VPS4A: variants seen among roughly 807,000 people sequenced by gnomAD.
VPS4A encodes the protein vacuolar protein sorting 4 homolog A.
A neutral mutation model predicts 52.3 loss-of-function variants in VPS4A; 20 were observed. The observed-to-expected ratio is 0.38, with a 90% confidence interval of 0.27 to 0.56. VPS4A has a LOEUF of 0.56. VPS4A is among the 20% of genes least tolerant of loss of function. The probability of loss-of-function intolerance (pLI) is 0.72; values close to 1 mark genes in which losing one functional copy is unlikely to be tolerated. For synonymous variants in VPS4A, 293 were observed against 227.7 expected (o/e 1.29, Z -2.58); for missense variants, 419 against 575.9 (o/e 0.73, Z 2.79).
In VPS4A at chr16:69,320,457, G is replaced by A; in HGVS notation, c.769+168G>A. 2 of 1,026,964 alleles carry A rather than the reference G, an allele frequency of 1.9e-6. No homozygotes were observed. The highest frequency in any genetic ancestry group is 2.8e-6 in the Non-Finnish European group (2 of 716,936). 63.6% of individuals were successfully genotyped at this position (1,026,964 alleles called of 1,614,324 possible). A position where few individuals can be genotyped will look rare whatever the true frequency, so the allele number is the denominator to read the frequency against. ...CTTCAATTCCCAAGAGGTGCCTGAG[G>A]CCTCTGCCTCACGGGCCACTCCACC... On this transcript the variant is annotated intron_variant, in intron 7 of 10. Coordinates refer to ENST00000254950, the MANE Select transcript of VPS4A (RefSeq NM_013245.3). This position sits in a 1 kb window ranked among gnomAD's most constrained non-coding sequence, Gnocchi z 4.2.
At chr16:69,319,713 G>C (rs1038662504) in intron 6 of VPS4A, among the ~76,000 whole-genome samples, 170 bp downstream of exon 6, 1 of 152,224 alleles carries the variant, frequency 6.6e-6, no homozygotes, top group Non-Finnish European at 1.5e-5. Flanking sequence ...ACAAAGACAA[G>C]TGAAGGTGGA....
At position 69,325,541 on chromosome 16, in the gene VPS4A, C is replaced by T. The variant is rs2143278265; in HGVS notation, c.*1232C>T. 1 of 152,246 alleles carries T rather than the reference C, an allele frequency of 6.6e-6. No homozygotes were observed. Among genetic ancestry groups the T allele is most frequent in the East Asian group, 1.9e-4 (1 of 5,180 alleles). 9.4% of individuals were successfully genotyped at this position (152,246 alleles called of 1,614,324 possible). ...ACAAGGTCAGGAAATCGAGAACATC[C>T]TGGCTAACACAGTGAAACCCCGTCT... On this transcript the variant is annotated 3_prime_UTR_variant, in exon 11 of 11. Coordinates refer to ENST00000254950, the MANE Select transcript of VPS4A (RefSeq NM_013245.3).
chr16:69,315,250 A>T (rs1965422012), intron 1 of VPS4A, among the ~76,000 whole-genome samples: 1 of 152,208 alleles, frequency 6.6e-6, no homozygotes. Context: ...GTTCAGCCTA[A>T]GGCACTGGCC....
chr16:69,318,814 C>G lies in VPS4A; in HGVS notation c.344-9C>G, dbSNP rs754898349. 6.2e-7 allele frequency: 1 copy of G among 1,612,678 alleles called. No homozygotes were observed. The highest frequency in any genetic ancestry group is 1.3e-5 in the African/African-American group (1 of 74,852). Reference sequence around the variant, plus strand: ...CGGGCCCGGGCCCGGGCCGGCCTCCCTCTCGCAGGTGCCGTCGTGATGGAG... The same window carrying G: ...CGGGCCCGGGCCCGGGCCGGCCTCCGTCTCGCAGGTGCCGTCGTGATGGAG... On this transcript the variant is annotated splice_polypyrimidine_tract_variant and intron_variant, in intron 4 of 10. Transcript: ENST00000254950.
rs1294795770 is a variant in VPS4A, at chr16:69,324,424, T to TCC, written c.*117_*118dup. ...GGGCTTGTCCCAGTCAATACAGAGT[T>TCC]CCCTCTGCTGTCTGGCCGTCTGCCA... On this transcript the variant is annotated 3_prime_UTR_variant, in exon 11 of 11. Transcript: ENST00000254950. 2 of 1,147,534 alleles carry TCC rather than the reference T, an allele frequency of 1.7e-6. No individual in the cohort carries two copies. Among genetic ancestry groups the TCC allele is most frequent in the African/African-American group, 3.1e-5 (2 of 65,154 alleles). The allele number at this position is 1,147,534 out of a possible 1,614,324, so 71.1% of individuals were successfully genotyped here.
chr16:69,316,485 G>A lies in VPS4A; in HGVS notation c.281+113G>A, dbSNP rs566374543. ...TGTGGGAATGGTCCTCATAGTGCAGGGATGACAGTGCCAGCAGCTGCTTTC... is the reference window on the plus strand; with the variant it reads ...TGTGGGAATGGTCCTCATAGTGCAGAGATGACAGTGCCAGCAGCTGCTTTC... On this transcript the variant is annotated intron_variant, in intron 3 of 10. Transcript: ENST00000254950. 2.9e-6 allele frequency: 4 copies of A among 1,402,688 alleles called. No homozygotes were observed. The South Asian group carries it at 5.4e-5, about 19-fold the overall frequency. 86.9% of individuals were successfully genotyped at this position (1,402,688 alleles called of 1,614,324 possible). A position where few individuals can be genotyped will look rare whatever the true frequency, so the allele number is the denominator to read the frequency against.
In VPS4A at chr16:69,318,048, C is replaced by T. The variant is rs190287065; in HGVS notation, c.282-602C>T. Among the ~76,000 whole-genome samples the T allele has an allele frequency of 3.3e-3, 492 of 150,966 alleles. 1 individual carries two copies. Among genetic ancestry groups the T allele is most frequent in the African/African-American group, 0.011 (445 of 41,096 alleles). On this transcript the variant is annotated intron_variant, in intron 3 of 10. Transcript: ENST00000254950. Reference sequence around the variant, plus strand: ...TCCCCCAGACAGGGCTTCACTGTCTCCCAGGCTGGAGTGCAGTGGTGCGAT... The same window carrying T: ...TCCCCCAGACAGGGCTTCACTGTCTTCCAGGCTGGAGTGCAGTGGTGCGAT...
intron 10 of VPS4A, chr16:69,323,778 C>T (rs9923260): frequency 0.15 from 58,376 of 398,264 alleles, 4,943 homozygotes; most frequent in Middle Eastern, 0.25. Context: ...AGTGAAACCC[C>T]GTCTCTGCTA....
At chr16:69,312,400 C>T (rs1965388190) in intron 1 of VPS4A, among the ~76,000 whole-genome samples, 2 of 152,082 alleles carry the variant, frequency 1.3e-5, no homozygotes, top group Admixed American at 6.6e-5. Context: ...GTTCCAGTAG[C>T]ATTCAGAGAC....
At position 69,321,366 on chromosome 16, in the gene VPS4A, T is replaced by G; in HGVS notation, c.1071+96T>G. ...GCTCCTGGTCCTGCTCCCCGGCTGC[T>G]CAGGTGACACAGTCTCTGAGGCCTC... On this transcript the variant is annotated intron_variant, in intron 9 of 10. Transcript: ENST00000254950. This position sits in a 1 kb window ranked among gnomAD's most constrained non-coding sequence, Gnocchi z 4.5. 1.5e-6 allele frequency: 2 copies of G among 1,375,232 alleles called. No homozygotes were observed. The highest frequency in any genetic ancestry group is 1.3e-5 in the South Asian group (1 of 74,516). The allele number at this position is 1,375,232 out of a possible 1,614,324, so 85.2% of individuals were successfully genotyped here. A position where few individuals can be genotyped will look rare whatever the true frequency, so the allele number is the denominator to read the frequency against.
At chr16:69,323,998 A>G (rs1759626126) in intron 10 of VPS4A, among the ~76,000 whole-genome samples, 1 of 150,572 alleles carries the variant, frequency 6.6e-6, no homozygotes, top group South Asian at 2.1e-4. Flanking sequence ...TTATGAGATG[A>G]TGGAGCTTAG....
chr16:69,319,254 C>T, intron 5 of VPS4A, 133 bp from the exon 6 acceptor site: 1 of 1,313,500 alleles, frequency 7.6e-7, no homozygotes, highest in Non-Finnish European at 1.0e-6. Context: ...TAGCTCCCAT[C>T]ACTTGTTTGC....
chr16:69,320,314 T>G lies in VPS4A; in HGVS notation c.769+25T>G, dbSNP rs1186182425. 6.2e-7 allele frequency: 1 copy of G among 1,604,986 alleles called. No homozygotes were observed. Among genetic ancestry groups the G allele is most frequent in the Non-Finnish European group, 8.5e-7 (1 of 1,172,736 alleles). ...GGTGTGTGCCGGGCCCAGGGCCCCC[T>G]TGGTTCTTGTTGCACCTGAAGCCAA... On this transcript the variant is annotated intron_variant, in intron 7 of 10. Coordinates refer to ENST00000254950, the MANE Select transcript of VPS4A (RefSeq NM_013245.3). The surrounding 1 kb of genome is among the most constrained non-coding windows in gnomAD (Gnocchi z 4.2).
In VPS4A at chr16:69,324,226, C is replaced by G; in HGVS notation, c.1231C>G (p.Leu411Val). The G allele has an allele frequency of 1.9e-6, 3 of 1,613,700 alleles. No homozygotes were observed. The highest frequency in any genetic ancestry group is 2.5e-6 in the Non-Finnish European group (3 of 1,179,814). ...VVCMSDMLRSLATTRPTVNAD... is the reference protein window; with the variant it reads ...VVCMSDMLRSVATTRPTVNAD... Reference sequence around the variant, plus strand: ...TTCACAGTCGGACATGCTGCGGTCTCTGGCCACCACCCGGCCCACGGTGAA... The same window carrying G: ...TTCACAGTCGGACATGCTGCGGTCTGTGGCCACCACCCGGCCCACGGTGAA... Residue 411 changes from leucine to valine, a missense_variant, in exon 11 of 11, where the codon CTG becomes GTG. Physicochemically the swap from Leu to Val is conservative, Grantham distance 32. This residue lies in a region of VPS4A where 185 missense variants were observed against 200.2 expected (regional missense o/e 0.92). Transcript: ENST00000254950.
At position 69,320,219 on chromosome 16, in the gene VPS4A, C is replaced by G. The variant is rs374250970; in HGVS notation, c.699C>G (p.Cys233Trp). Residue 233 changes from cysteine (C) to tryptophan (W), a missense_variant, in exon 7 of 11, where the codon TGC becomes TGG. Cys to Trp is a radical substitution (Grantham distance 215, BLOSUM62 -2). Transcript: ENST00000254950. This position sits in a 1 kb window ranked among gnomAD's most constrained non-coding sequence, Gnocchi z 4.2. Reference protein sequence around the residue: ...IIFIDEVDSLCGSRNENESEA... With the variant: ...IIFIDEVDSLWGSRNENESEA... ...TCATCGATGAGGTGGATTCCCTCTG[C>G]GGGTCCCGAAATGAAAATGAGAGTG... The G allele has an allele frequency of 1.2e-6, 2 of 1,613,982 alleles. No individual in the cohort carries two copies. Among genetic ancestry groups the G allele is most frequent in the Non-Finnish European group, 1.7e-6 (2 of 1,179,862 alleles).
intron 1 of VPS4A, among the ~76,000 whole-genome samples, chr16:69,311,900 TCGCTCCCTCCTCTCCTGTCC>T: frequency 6.6e-6 from 1 of 152,038 alleles, no homozygotes; most frequent in Non-Finnish European, 1.5e-5. Flanking sequence ...CTCTCCTGTC[TCGCTCCCTCCTCTCCTGTCC>T]CGGGTCCTGG....
At chr16:69,314,637 A>G (rs79713069) in intron 1 of VPS4A, among the ~76,000 whole-genome samples, 11,596 of 152,194 alleles carry the variant, frequency 0.076, 502 homozygotes, top group African/African-American at 0.096. Flanking sequence ...CATCTCTTCA[A>G]TCCGCTGAGT....
intron 10 of VPS4A, chr16:69,323,750 G>C (rs541037082): frequency 4.5e-6 from 2 of 440,056 alleles, no homozygotes; most frequent in African/African-American, 4.0e-5. Flanking sequence ...AGGAGTTCAA[G>C]AGCAGCCTGG....
At chr16:69,316,899 C>A (rs898110096) in intron 3 of VPS4A, among the ~76,000 whole-genome samples, 2 of 152,228 alleles carry the variant, frequency 1.3e-5, no homozygotes, top group African/African-American at 2.4e-5. Flanking sequence ...ACCCCCAAAG[C>A]AGGGCGGGTG....
Sources: allele counts gnomAD v4.1 joint callset (sites outside exome capture counted in the v4.1 genomes callset), GRCh38; gene constraint gnomAD v4.1.1; regional missense constraint gnomAD v4.1.1; non-coding constraint Gnocchi (gnomAD v3.1); transcripts MANE v1.5; gene names NCBI Gene and HGNC (gene_info 2026-07-23, HGNC 2026-07-21).